The following SLC24A1 variants were observed in gnomAD, a reference collection of about 807,000 sequenced individuals.
The protein encoded by SLC24A1 is sodium/potassium/calcium exchanger 1.
SLC24A1 carries 52 observed loss-of-function variants against 88.1 expected under a neutral mutation model. That is an observed-to-expected ratio of 0.59 (90% CI 0.47 to 0.74). SLC24A1 has a LOEUF of 0.74. Among genes scored for constraint, SLC24A1 ranks in the 30% least tolerant of loss-of-function variants. The pLI is 0.00. For missense variants in SLC24A1, 1,173 were observed against 1,363.3 expected (o/e 0.86, Z 2.20); for synonymous variants, 455 against 498.0 (o/e 0.91, Z 1.15).
rs1393504574 is a variant in SLC24A1 at position 65,650,566 on chromosome 15, A to T, written c.2417A>T (p.Asn806Ile). ...AATGAAGCAGAAGGAAAAGGAGACA[A>T]TGAAGGTGAAGATGAGGGTGAAATC... ...DENEAEGKGD[N>I]EGEDEGEIHA... Residue 806 changes from asparagine to isoleucine, a missense_variant, in exon 7 of 10, where the codon AAT becomes ATT. Physicochemically the swap from Asn to Ile is moderately radical, Grantham distance 149. Coordinates refer to ENST00000261892, the MANE Select transcript of SLC24A1 (RefSeq NM_004727.3). The surrounding 1 kb of genome is among the most constrained non-coding windows in gnomAD (Gnocchi z 4.1). 1.3e-6 allele frequency: 2 copies of T among 1,551,986 alleles called. No homozygotes were observed. Among genetic ancestry groups the T allele is most frequent in the Admixed American group, 3.9e-5 (2 of 50,998 alleles).
chr15:65,648,822 G>A (rs2075398954), intron 6 of SLC24A1, among the ~76,000 whole-genome samples: 1 of 151,648 alleles, frequency 6.6e-6, no homozygotes, highest in Non-Finnish European at 1.5e-5. Context: ...TTTTTACAGG[G>A]GTATGGGGTC....
chr15:65,630,485 C>T (rs972821377), intron 2 of SLC24A1, among the ~76,000 whole-genome samples: 1 of 152,152 alleles, frequency 6.6e-6, no homozygotes, highest in Non-Finnish European at 1.5e-5. Flanking sequence ...CGCCGAGAAC[C>T]CCCCCTGCCT....
At chr15:65,653,809 A>G (rs977647473) in intron 9 of SLC24A1, 21 bp from the exon 10 acceptor site, 2 of 1,611,702 alleles carry the variant, frequency 1.2e-6, no homozygotes, top group African/African-American at 2.7e-5. Context: ...GGATATTCAC[A>G]TCGTTTCTTC....
In SLC24A1 at chr15:65,650,492, T is replaced by C. The variant is rs1268605865; in HGVS notation, c.2343T>C (p.Gly781=). Residue 781 remains glycine (G), a synonymous_variant, in exon 7 of 10, where the codon GGT becomes GGC. Transcript: ENST00000261892. The surrounding 1 kb of genome is among the most constrained non-coding windows in gnomAD (Gnocchi z 4.1). ...GTGGAGGTGAAACTCAACCAGAAGGTGAAGGTGAAACTGAAACACAAGGAA... is the reference window on the plus strand; with the variant it reads ...GTGGAGGTGAAACTCAACCAGAAGGCGAAGGTGAAACTGAAACACAAGGAA... The part of the protein sequence containing the change: ...EKSGGETQPE[G]EGETETQGKG... The C allele has an allele frequency of 9.7e-6, 15 of 1,550,916 alleles. No individual in the cohort carries two copies. The highest frequency in any genetic ancestry group is 1.3e-5 in the Non-Finnish European group (15 of 1,146,908).
At position 65,654,707 on chromosome 15, in the gene SLC24A1, CTT is replaced by C. The variant is rs75137628; in HGVS notation, c.*642_*643del. ...GCATCTGGATATATACCAGTATTTT[CTT>C]TTTTTTTTTTTTTGAGACAGAGTTT... On this transcript the variant is annotated 3_prime_UTR_variant, in exon 10 of 10. Coordinates refer to ENST00000261892, the MANE Select transcript of SLC24A1 (RefSeq NM_004727.3). 9,876 of 1,064,458 alleles carry C rather than the reference CTT, an allele frequency of 9.3e-3. No homozygotes were observed. Among genetic ancestry groups the C allele is most frequent in the East Asian group, 0.013 (204 of 15,342 alleles). The allele number at this position is 1,064,458 out of a possible 1,614,324, so 65.9% of individuals were successfully genotyped here. A position where few individuals can be genotyped will look rare whatever the true frequency, so the allele number is the denominator to read the frequency against.
At chr15:65,617,803 T>C (rs1454855244), upstream of SLC24A1, among the ~76,000 whole-genome samples, 1 of 152,220 alleles carries the variant, frequency 6.6e-6, no homozygotes, top group Non-Finnish European at 1.5e-5. Flanking sequence ...ATCCTTGTGT[T>C]GTGCTGGTTT....
chr15:65,642,936 T>G, intron 4 of SLC24A1: 1 of 1,146,854 alleles, frequency 8.7e-7, no homozygotes, highest in Non-Finnish European at 1.2e-6. Context: ...ATGGACTAGA[T>G]GATCTCCAGG....
chr15:65,624,151 G>A lies in SLC24A1; in HGVS notation c.71G>A (p.Arg24His), dbSNP rs752066024. 14 of 1,613,458 alleles carry A rather than the reference G, an allele frequency of 8.7e-6. No homozygotes were observed. Among genetic ancestry groups the A allele is most frequent in the South Asian group, 3.3e-5 (3 of 91,038 alleles). Residue 24 changes from arginine (R) to histidine (H), a missense_variant, in exon 2 of 10, where the codon CGC becomes CAC. Arg to His is a conservative substitution (Grantham distance 29). Coordinates refer to ENST00000261892, the MANE Select transcript of SLC24A1 (RefSeq NM_004727.3). ...LLRTKRLHWS[R>H]LLFLLGMLII... ...CGGACAAAGCGGCTTCATTGGAGTC[G>A]CCTCCTCTTCTTACTGGGAATGTTG...
In SLC24A1 at chr15:65,625,572, A is replaced by G. The variant is rs762425049; in HGVS notation, c.1492A>G (p.Thr498Ala). 1.2e-6 allele frequency: 2 copies of G among 1,614,032 alleles called. No homozygotes were observed. Among genetic ancestry groups the G allele is most frequent in the South Asian group, 1.1e-5 (1 of 91,080 alleles). ...LQISEDVAGA[T>A]FMAAGGSAPE... ...GATCTCCGAGGATGTGGCAGGCGCCACATTCATGGCTGCTGGAGGCTCTGC... is the reference window on the plus strand; with the variant it reads ...GATCTCCGAGGATGTGGCAGGCGCCGCATTCATGGCTGCTGGAGGCTCTGC... The change falls in exon 2 of 10, where the codon ACA becomes GCA. Residue 498 changes from threonine to alanine, a missense_variant. By Grantham distance (58) the Thr-to-Ala change is moderately conservative. Coordinates refer to ENST00000261892, the MANE Select transcript of SLC24A1 (RefSeq NM_004727.3).
chr15:65,640,087 GAGAGTGTCTAGCCAAGCA>G (rs2075073959), intron 4 of SLC24A1, among the ~76,000 whole-genome samples: 1 of 152,334 alleles, frequency 6.6e-6, no homozygotes, highest in South Asian at 2.1e-4. Context: ...GTGTTCCATG[GAGAGTGTCTAGCCAAGCA>G]GCTCAGCCCA....
At chr15:65,639,191 T>TA (rs562810113) in intron 3 of SLC24A1, among the ~76,000 whole-genome samples, 46 of 152,266 alleles carry the variant, frequency 3.0e-4, no homozygotes, top group Middle Eastern at 3.4e-3. Flanking sequence ...GGGGCAATGA[T>TA]AAAACGTGAT....
intron 6 of SLC24A1, 75 bp downstream of exon 6, chr15:65,645,778 C>A: frequency 1.0e-6 from 1 of 952,424 alleles, no homozygotes. Context: ...ATACATCCTC[C>A]CTGAAGGTCT....
chr15:65,649,740 G>A (rs2075431695), intron 6 of SLC24A1, among the ~76,000 whole-genome samples: 1 of 152,178 alleles, frequency 6.6e-6, no homozygotes, highest in African/African-American at 2.4e-5. Flanking sequence ...TCCTTATTTT[G>A]TAGATATAAG....
At chr15:65,645,980 T>A (rs1429256450) in intron 6 of SLC24A1, among the ~76,000 whole-genome samples, 1 of 152,248 alleles carries the variant, frequency 6.6e-6, no homozygotes, top group Non-Finnish European at 1.5e-5. Flanking sequence ...TTAGTGGGTC[T>A]GTCAGCAACT....
Position 65,648,636 on chromosome 15 carries a change from C to T in SLC24A1, c.2233-1746C>T, listed in dbSNP as rs902718457. ...AGCTGGAATTACAGGCACTTACAGG[C>T]ATGCACCACCACGCCTGGCTAATTT... On this transcript the variant is annotated intron_variant, in intron 6 of 9. Coordinates refer to ENST00000261892, the MANE Select transcript of SLC24A1 (RefSeq NM_004727.3). Among the ~76,000 whole-genome samples, 23 of 152,138 alleles carry T rather than the reference C, an allele frequency of 1.5e-4. 2 individuals carry two copies. The East Asian group carries it at 1.9e-3, about 13-fold the overall frequency.
At chr15:65,616,408 A>C (rs2074145990) in intron 2 of SLC24A1, among the ~76,000 whole-genome samples, 1 of 152,150 alleles carries the variant, frequency 6.6e-6, no homozygotes, top group Non-Finnish European at 1.5e-5. Flanking sequence ...CTGACTTTTT[A>C]ATGATCGCCA....
upstream of SLC24A1, among the ~76,000 whole-genome samples, chr15:65,619,487 C>T (rs193227775): frequency 2.2e-4 from 33 of 151,782 alleles, no homozygotes; most frequent in Non-Finnish European, 3.1e-4. Context: ...TTTATCTACC[C>T]GGGACCTAAA....
At position 65,652,702 on chromosome 15, in the gene SLC24A1, A is replaced by G. The variant is rs1348042214; in HGVS notation, c.2944A>G (p.Thr982Ala). 1 of 1,613,956 alleles carries G rather than the reference A, an allele frequency of 6.2e-7. No homozygotes were observed. Among genetic ancestry groups the G allele is most frequent in the Non-Finnish European group, 8.5e-7 (1 of 1,179,844 alleles). Residue 982 changes from threonine to alanine, a missense_variant, in exon 9 of 10, where the codon ACA (threonine) becomes GCA (alanine). By Grantham distance (58) the Thr-to-Ala change is moderately conservative (BLOSUM62 0). Transcript: ENST00000261892. ...GGGCCTGACAATCCTTGCAGCAGGC[A>G]CATCAATTCCTGACCTCATCACCAG... ...IMGLTILAAGTSIPDLITSVI... is the reference protein window; with the variant it reads ...IMGLTILAAGASIPDLITSVI...
rs191196180 is a variant in SLC24A1 at position 65,653,138 on chromosome 15, C to G, written c.3050+330C>G. On this transcript the variant is annotated intron_variant, in intron 9 of 9. Coordinates refer to ENST00000261892, the MANE Select transcript of SLC24A1 (RefSeq NM_004727.3). ...GGTAGGATTGGAAGGAGCAATGACT[C>G]AACTTCACTTCTTGGTACTACTCTT... 2.0e-3 allele frequency among the ~76,000 whole-genome samples: 304 copies of G among 152,306 alleles called. 3 individuals are homozygous for G. Among genetic ancestry groups the G allele is most frequent in the African/African-American group, 7.1e-3 (295 of 41,568 alleles).
Sources: gnomAD v4.1 joint callset for allele counts (sites outside exome capture counted in the v4.1 genomes callset) on GRCh38, gnomAD v4.1.1 for gene constraint, Gnocchi (gnomAD v3.1) non-coding constraint, MANE v1.5 for transcripts, NCBI Gene and HGNC (gene_info 2026-07-23, HGNC 2026-07-21) for gene names.